The following NRXN1 variants were observed in gnomAD, a reference collection of about 807,000 sequenced individuals.
NRXN1 encodes the protein neurexin 1, also known as neurexin-1.
In NRXN1, 39 loss-of-function variants were observed where a neutral mutation model predicts 150.9. The ratio of observed to expected loss-of-function variants is 0.26; its 90% CI spans 0.20 to 0.34. The LOEUF is 0.34. NRXN1 is among the 10% of genes least tolerant of loss of function. The pLI is 1.00. For missense variants in NRXN1, 1,815 were observed against 1,949.9 expected (o/e 0.93, Z 1.30); for synonymous variants, 924 against 757.0 (o/e 1.22, Z -3.62).
Position 50,472,420 on chromosome 2 carries a change from T to C in NRXN1, c.3122A>G (p.Lys1041Arg). ...VAKETYKSLP[K>R]LVHAKEGFQG... ...AAAGCCTTCTTTGGCATGTACAAGT[T>C]TTGGTAAGGATTTGTATGTTTCTTT... The change falls in exon 16 of 23, where the codon AAA becomes AGA. Residue 1041 changes from lysine to arginine, a missense_variant. Physicochemically the swap from Lys to Arg is conservative, Grantham distance 26 (BLOSUM62 2). Transcript: ENST00000401669. 6.2e-7 allele frequency: 1 copy of C among 1,612,244 alleles called. No homozygotes were observed. Among genetic ancestry groups the C allele is most frequent in the South Asian group, 1.1e-5 (1 of 91,012 alleles).
intron 18 of NRXN1, among the ~76,000 whole-genome samples, chr2:50,182,504 T>A (rs1460541229): frequency 1.3e-5 from 2 of 152,216 alleles, no homozygotes; most frequent in Middle Eastern, 3.4e-3. Context: ...TATGTTTGGA[T>A]TCTCTGTTAA....
intron 5 of NRXN1, among the ~76,000 whole-genome samples, chr2:50,794,573 T>C (rs1706522195): frequency 6.6e-6 from 1 of 152,112 alleles, no homozygotes; most frequent in Non-Finnish European, 1.5e-5. Context: ...TGCATTGTAA[T>C]TTCTATAAAA....
chr2:50,190,773 C>A (rs56410927), intron 18 of NRXN1, among the ~76,000 whole-genome samples: 12 of 151,498 alleles, frequency 7.9e-5, no homozygotes, highest in Non-Finnish European at 1.5e-4. Context: ...CCACCATGGC[C>A]GGCTAATTTT....
At chr2:50,458,798 T>C (rs2087860536) in intron 17 of NRXN1, among the ~76,000 whole-genome samples, 1 of 152,198 alleles carries the variant, frequency 6.6e-6, no homozygotes, top group Non-Finnish European at 1.5e-5. Context: ...GCCAGGATGG[T>C]CTCGAACTCC....
chr2:50,614,733 C>CAAAAAAAAAA (rs33968907), intron 8 of NRXN1, among the ~76,000 whole-genome samples: 1 of 98,274 alleles, frequency 1.0e-5, no homozygotes, highest in Admixed American at 1.2e-4. Context: ...ATCAGCCATT[C>CAAAAAAAAAA]AAAAAAAAAA....
chr2:50,269,628 T>C (rs2069320816), intron 17 of NRXN1, among the ~76,000 whole-genome samples: 2 of 150,134 alleles, frequency 1.3e-5, no homozygotes, highest in Admixed American at 6.6e-5. Flanking sequence ...CCAGTAAAAA[T>C]ATGTTTTTAA....
At position 50,745,062 on chromosome 2, in the gene NRXN1, T is replaced by C. The variant is rs536379958; in HGVS notation, c.833-121447A>G. Among the ~76,000 whole-genome samples, 6 of 152,232 alleles carry C rather than the reference T, an allele frequency of 3.9e-5. No individual in the cohort carries two copies. In the South Asian group the frequency reaches 1.0e-3, roughly 26 times the overall value. On this transcript the variant is annotated intron_variant, in intron 5 of 22. Transcript: ENST00000401669. ...GAAGGCATGCACCATCATGGTTAAT[T>C]AGGCAGGCTTCAGAATTCAGCAAGT...
At chr2:50,438,000 AC>A (rs1180326234) in intron 17 of NRXN1, among the ~76,000 whole-genome samples, 1 of 152,178 alleles carries the variant, frequency 6.6e-6, no homozygotes, top group Non-Finnish European at 1.5e-5. Flanking sequence ...TTATCACTTC[AC>A]AGCAGACTCA....
chr2:50,796,838 A>C (rs1706903090), intron 5 of NRXN1, among the ~76,000 whole-genome samples: 1 of 152,174 alleles, frequency 6.6e-6, no homozygotes, highest in African/African-American at 2.4e-5. Flanking sequence ...CAGTTGGATA[A>C]TTTATAAACA....
chr2:50,647,233 T>C (rs1306464571), intron 5 of NRXN1, among the ~76,000 whole-genome samples: 2 of 151,806 alleles, frequency 1.3e-5, no homozygotes, highest in African/African-American at 4.8e-5. Context: ...CCAGGGAAAA[T>C]ATAAATTATT....
chr2:50,170,063 TA>T (rs2059933651), intron 18 of NRXN1, among the ~76,000 whole-genome samples: 1 of 151,986 alleles, frequency 6.6e-6, no homozygotes, highest in Non-Finnish European at 1.5e-5. Context: ...TTTAAGCATG[TA>T]TTTTACTTCT....
At chr2:50,850,434 A>T (rs1674353156) in intron 5 of NRXN1, among the ~76,000 whole-genome samples, 1 of 152,098 alleles carries the variant, frequency 6.6e-6, no homozygotes, top group African/African-American at 2.4e-5. Flanking sequence ...AATATACGGG[A>T]TAAGTCAGCC....
chr2:50,302,188 C>T (rs554875731), intron 17 of NRXN1, among the ~76,000 whole-genome samples: 4 of 152,070 alleles, frequency 2.6e-5, no homozygotes, highest in Non-Finnish European at 5.9e-5. Flanking sequence ...TTAGGGCCAT[C>T]TCTTTGAGAT....
At chr2:50,552,327 G>A (rs1667655831) in intron 9 of NRXN1, among the ~76,000 whole-genome samples, 1 of 152,028 alleles carries the variant, frequency 6.6e-6, no homozygotes, top group South Asian at 2.1e-4. Flanking sequence ...GCAAGATTTG[G>A]CACTTGATTA....
At chr2:50,705,683 A>T (rs9752037) in intron 5 of NRXN1, among the ~76,000 whole-genome samples, 50,250 of 152,032 alleles carry the variant, frequency 0.33, 8,939 homozygotes, top group East Asian at 0.49. Context: ...TCAGAAAATC[A>T]GTTGCAGCTT....
chr2:50,544,631 GCACTT>G (rs1206115025), intron 9 of NRXN1, among the ~76,000 whole-genome samples: 3 of 152,048 alleles, frequency 2.0e-5, no homozygotes, highest in Admixed American at 2.0e-4. Flanking sequence ...GGGGGAAAGG[GCACTT>G]CAATAACTGT....
At chr2:50,414,102 A>G (rs1327400087) in intron 17 of NRXN1, among the ~76,000 whole-genome samples, 1 of 152,024 alleles carries the variant, frequency 6.6e-6, no homozygotes, top group Non-Finnish European at 1.5e-5. Context: ...GGTACTAAAA[A>G]TAGAAAGAAT....
intron 18 of NRXN1, among the ~76,000 whole-genome samples, chr2:50,148,985 C>T (rs887017462): frequency 2.6e-5 from 4 of 151,640 alleles, no homozygotes; most frequent in South Asian, 2.1e-4. Flanking sequence ...GGTTGAAAGT[C>T]TATTTGCCAG....
intron 21 of NRXN1, chr2:50,022,793 G>A (rs1017682530): frequency 6.6e-6 from 1 of 152,168 alleles, no homozygotes; most frequent in African/African-American, 2.4e-5. Context: ...TGAAATCTGT[G>A]ATGAGTAGTC....
Sources: allele counts gnomAD v4.1 joint callset (sites outside exome capture counted in the v4.1 genomes callset), GRCh38; gene constraint gnomAD v4.1.1; transcripts MANE v1.5; gene names NCBI Gene and HGNC (gene_info 2026-07-23, HGNC 2026-07-21).